ADGRB3: variants seen among roughly 807,000 people sequenced by gnomAD.
The protein encoded by ADGRB3 is adhesion G protein-coupled receptor B3.
In ADGRB3, 37 loss-of-function variants were observed where a neutral mutation model predicts 193.4. That is an observed-to-expected ratio of 0.19 (90% CI 0.15 to 0.25). The LOEUF is 0.25. Ranked by LOEUF, ADGRB3 falls within the 10% of genes least tolerant of loss-of-function variation. The pLI, the probability that ADGRB3 is intolerant of heterozygous loss-of-function variation, is 1.00. For synonymous variants in ADGRB3, 690 were observed against 644.2 expected, an observed-to-expected ratio of 1.07 and a Z score of -1.08; for missense variants, 1,637 against 1,852.9, an observed-to-expected ratio of 0.88 and a Z score of 2.14.
intron 24 of ADGRB3, among the ~76,000 whole-genome samples, chr6:69,337,894 C>A (rs1768886794): frequency 6.6e-6 from 1 of 152,182 alleles, no homozygotes; most frequent in Admixed American, 6.5e-5. Context: ...CTATAAGATT[C>A]TTTAAGAAAA....
intron 3 of ADGRB3, among the ~76,000 whole-genome samples, chr6:68,669,604 TTGTGTG>T (rs59849376): frequency 0.17 from 23,493 of 134,592 alleles, 2,258 homozygotes; most frequent in East Asian, 0.48. Context: ...TAATACTCCA[TTGTGTG>T]TGTGTGTGTG....
At chr6:69,191,592 A>G (rs1443930139) in intron 17 of ADGRB3, among the ~76,000 whole-genome samples, 1 of 152,142 alleles carries the variant, frequency 6.6e-6, no homozygotes, top group African/African-American at 2.4e-5. Flanking sequence ...CTTATTATGG[A>G]ATATAAATCT....
chr6:68,763,860 C>T (rs1179065991), intron 3 of ADGRB3, among the ~76,000 whole-genome samples: 1 of 152,090 alleles, frequency 6.6e-6, no homozygotes, highest in Non-Finnish European at 1.5e-5. Context: ...ATTGCTTGAG[C>T]CCAGGAGCTC....
chr6:69,009,299 A>G (rs1769863248), intron 11 of ADGRB3, among the ~76,000 whole-genome samples: 1 of 152,146 alleles, frequency 6.6e-6, no homozygotes, highest in Non-Finnish European at 1.5e-5. Flanking sequence ...ATCAGACTGT[A>G]TAACTGGGGA....
chr6:69,000,652 T>G (rs1769547664), intron 11 of ADGRB3, among the ~76,000 whole-genome samples: 1 of 152,202 alleles, frequency 6.6e-6, no homozygotes, highest in Admixed American at 6.5e-5. Flanking sequence ...TATACTTGGT[T>G]ATAATATAAG....
chr6:68,905,124 A>T (rs896817234), intron 3 of ADGRB3, among the ~76,000 whole-genome samples: 1 of 152,218 alleles, frequency 6.6e-6, no homozygotes, highest in African/African-American at 2.4e-5. Flanking sequence ...ATCTCATATT[A>T]TCTGGCCAAT....
chr6:69,261,810 C>A (rs1208868147), intron 20 of ADGRB3, among the ~76,000 whole-genome samples: 1 of 151,618 alleles, frequency 6.6e-6, no homozygotes, highest in Non-Finnish European at 1.5e-5. Context: ...TGGTAGATAC[C>A]GAAATATGAC....
chr6:68,777,389 A>G (rs939534814), intron 3 of ADGRB3, among the ~76,000 whole-genome samples: 9 of 151,906 alleles, frequency 5.9e-5, no homozygotes, highest in African/African-American at 1.9e-4. Flanking sequence ...GTAGAAATAT[A>G]TTTTTTTTGG....
At chr6:69,386,245 A>G (rs557933473) in intron 31 of ADGRB3, among the ~76,000 whole-genome samples, 21 of 152,276 alleles carry the variant, frequency 1.4e-4, no homozygotes, top group African/African-American at 4.6e-4. Flanking sequence ...TCACATATCC[A>G]TAACAGTTGA....
chr6:69,188,765 C>T (rs1042574244), intron 17 of ADGRB3, among the ~76,000 whole-genome samples: 2 of 151,848 alleles, frequency 1.3e-5, no homozygotes, highest in Non-Finnish European at 1.5e-5. Flanking sequence ...TTTTTAAATT[C>T]GTTAAATTAT....
intron 17 of ADGRB3, among the ~76,000 whole-genome samples, chr6:69,161,566 T>A (rs1050153471): frequency 2.0e-5 from 3 of 152,128 alleles, no homozygotes; most frequent in African/African-American, 7.2e-5. Flanking sequence ...GGTATATCCA[T>A]TATCTATGGT....
At chr6:69,005,515 A>G (rs1372987289) in intron 11 of ADGRB3, among the ~76,000 whole-genome samples, 3 of 152,296 alleles carry the variant, frequency 2.0e-5, no homozygotes, top group East Asian at 3.9e-4. Context: ...TCAGAGCTAT[A>G]AGAAGTCTTT....
intron 17 of ADGRB3, among the ~76,000 whole-genome samples, chr6:69,124,686 A>G (rs1348628475): frequency 6.6e-6 from 1 of 152,214 alleles, no homozygotes; most frequent in Non-Finnish European, 1.5e-5. Context: ...TTCAATTTCC[A>G]AGGATATTTT....
intron 3 of ADGRB3, among the ~76,000 whole-genome samples, chr6:68,795,594 T>G (rs1165890536): frequency 6.6e-6 from 1 of 152,052 alleles, no homozygotes; most frequent in Non-Finnish European, 1.5e-5. Context: ...AATCAAAACA[T>G]CAGAATTTTC....
intron 17 of ADGRB3, among the ~76,000 whole-genome samples, chr6:69,216,166 CTTTA>C (rs1397189583): frequency 6.6e-6 from 1 of 152,000 alleles, no homozygotes; most frequent in Admixed American, 6.6e-5. Flanking sequence ...TAGGTAGGCA[CTTTA>C]TTTGTTAAGT....
chr6:68,719,456 A>G (rs182349823), intron 3 of ADGRB3, among the ~76,000 whole-genome samples: 2 of 151,920 alleles, frequency 1.3e-5, no homozygotes, highest in African/African-American at 2.4e-5. Context: ...ATTACACCTC[A>G]AAACGAACAG....
intron 3 of ADGRB3, among the ~76,000 whole-genome samples, chr6:68,834,642 G>A (rs1044046139): frequency 2.0e-5 from 3 of 152,178 alleles, no homozygotes; most frequent in South Asian, 2.1e-4. Flanking sequence ...ATTTCAACTC[G>A]ATATTTCTCC....
chr6:68,853,621 G>A (rs1449355686), intron 3 of ADGRB3, among the ~76,000 whole-genome samples: 1 of 151,998 alleles, frequency 6.6e-6, no homozygotes, highest in East Asian at 1.9e-4. Flanking sequence ...AGCTCTCTAA[G>A]GGGTGCAACA....
rs142700153 is a variant in ADGRB3, at chr6:69,011,975, A to G, written c.1930-2063A>G. Among the ~76,000 whole-genome samples the G allele has an allele frequency of 2.0e-5, 3 of 152,204 alleles. No homozygotes were observed. In the East Asian group the frequency reaches 5.8e-4, roughly 30 times the overall value. The stretch of plus-strand genomic sequence containing the variant: ...GTAAAGCCACATTTGTTGGCCTTGA[A>G]GAAGAGTACAGAATGCTTGAAGAAT... On this transcript the variant is annotated intron_variant, in intron 11 of 31. Coordinates refer to ENST00000370598, the MANE Select transcript of ADGRB3 (RefSeq NM_001704.3).
Sources: gnomAD v4.1 joint callset for allele counts (sites outside exome capture counted in the v4.1 genomes callset) on GRCh38, gnomAD v4.1.1 for gene constraint, MANE v1.5 for transcripts, NCBI Gene and HGNC (gene_info 2026-07-23, HGNC 2026-07-21) for gene names.